Variants in MAGI2 observed in about 807,000 individuals in gnomAD.
MAGI2 encodes the protein membrane-associated guanylate kinase, WW and PDZ domain-containing protein 2.
A neutral mutation model predicts 133.3 loss-of-function variants in MAGI2; 35 were observed. The ratio of observed to expected loss-of-function variants is 0.26; its 90% confidence interval spans 0.20 to 0.35. The LOEUF is 0.35. Among genes scored for constraint, MAGI2 ranks in the 10% least tolerant of loss-of-function variants. MAGI2 has a pLI of 1.00. For missense variants in MAGI2, 1,636 were observed against 1,863.4 expected, an observed-to-expected ratio of 0.88 and a Z score of 2.25; for synonymous variants, 729 against 710.6, an observed-to-expected ratio of 1.03 and a Z score of -0.41.
intron 2 of MAGI2, among the ~76,000 whole-genome samples, chr7:78,765,052 T>C (rs180958487): frequency 6.5e-4 from 99 of 152,262 alleles, no homozygotes; most frequent in African/African-American, 2.2e-3. Flanking sequence ...CAGACTATGA[T>C]TTTGCCAGAC....
intron 1 of MAGI2, among the ~76,000 whole-genome samples, chr7:79,127,505 G>A (rs561383739): frequency 1.3e-5 from 2 of 152,258 alleles, no homozygotes; most frequent in East Asian, 3.9e-4. Flanking sequence ...ATTGGTGTGA[G>A]ATGGTATCTC....
chr7:78,987,256 A>AT (rs1805353904), intron 2 of MAGI2, among the ~76,000 whole-genome samples: 1 of 152,084 alleles, frequency 6.6e-6, no homozygotes, highest in African/African-American at 2.4e-5. Flanking sequence ...GTTGGAAAAA[A>AT]GTGCAGATAT....
At chr7:79,039,727 A>T (rs976991093) in intron 1 of MAGI2, among the ~76,000 whole-genome samples, 2 of 151,452 alleles carry the variant, frequency 1.3e-5, no homozygotes, top group Non-Finnish European at 2.9e-5. Context: ...CACATCTGTA[A>T]TCCGAGCACT....
intron 1 of MAGI2, among the ~76,000 whole-genome samples, chr7:79,259,900 G>T (rs940310088): frequency 2.0e-5 from 3 of 152,194 alleles, no homozygotes; most frequent in Non-Finnish European, 2.9e-5. Flanking sequence ...TTTCAGAGCT[G>T]CAGGGCACTT....
At chr7:79,166,485 G>A (rs1232609134) in intron 1 of MAGI2, among the ~76,000 whole-genome samples, 1 of 152,068 alleles carries the variant, frequency 6.6e-6, no homozygotes, top group Non-Finnish European at 1.5e-5. Context: ...TCAGCCTGAT[G>A]AGACCCTGGG....
intron 2 of MAGI2, among the ~76,000 whole-genome samples, chr7:78,693,571 T>G (rs1817193147): frequency 6.6e-6 from 1 of 152,174 alleles, no homozygotes; most frequent in Non-Finnish European, 1.5e-5. Flanking sequence ...ACTATTTGCT[T>G]CTTGCTAAAT....
At chr7:78,510,712 C>T (rs1795490393) in intron 4 of MAGI2, among the ~76,000 whole-genome samples, 2 of 152,140 alleles carry the variant, frequency 1.3e-5, no homozygotes, top group South Asian at 2.1e-4. Flanking sequence ...AGAAACCATG[C>T]ATTCTTTTCA....
chr7:78,221,730 C>A (rs1262310919), intron 10 of MAGI2, among the ~76,000 whole-genome samples: 3 of 151,968 alleles, frequency 2.0e-5, no homozygotes, highest in East Asian at 4.0e-4. Context: ...CAGTGGCTCA[C>A]ACCTATAATC....
At chr7:78,377,534 G>A (rs910772106) in intron 6 of MAGI2, among the ~76,000 whole-genome samples, 1 of 151,720 alleles carries the variant, frequency 6.6e-6, no homozygotes, top group African/African-American at 2.4e-5. Flanking sequence ...TGATGTTAGT[G>A]GGAGAGGGGG....
intron 1 of MAGI2, among the ~76,000 whole-genome samples, chr7:79,080,659 A>T (rs1342327109): frequency 6.6e-6 from 1 of 152,122 alleles, no homozygotes; most frequent in Non-Finnish European, 1.5e-5. Flanking sequence ...GGGTGTGGAG[A>T]GTAAGGAGTT....
intron 2 of MAGI2, among the ~76,000 whole-genome samples, chr7:78,649,236 G>GAAAAAAAAAAAAAGA (rs3085451): frequency 1.1e-5 from 1 of 88,164 alleles, no homozygotes; most frequent in South Asian, 4.2e-4. Context: ...AAAAAAAAAA[G>GAAAAAAAAAAAAAGA]AAAAAAAAAG....
At chr7:78,244,556 T>C (rs982475248) in intron 10 of MAGI2, among the ~76,000 whole-genome samples, 9 of 152,210 alleles carry the variant, frequency 5.9e-5, no homozygotes, top group African/African-American at 1.9e-4. Flanking sequence ...GCAGAGAAAG[T>C]ATATTGATTG....
chr7:79,229,840 T>C (rs1464656978), intron 1 of MAGI2, among the ~76,000 whole-genome samples: 2 of 151,654 alleles, frequency 1.3e-5, no homozygotes, highest in Non-Finnish European at 2.9e-5. Context: ...CATGTGCACA[T>C]TGTGCAGGTT....
At chr7:78,034,232 A>G (rs1809917918) in intron 21 of MAGI2, among the ~76,000 whole-genome samples, 1 of 152,190 alleles carries the variant, frequency 6.6e-6, no homozygotes, top group African/African-American at 2.4e-5. Flanking sequence ...AGGTAGACAT[A>G]GAACAAGTGA....
chr7:78,455,182 A>C (rs988194890), intron 6 of MAGI2, among the ~76,000 whole-genome samples: 1 of 126,038 alleles, frequency 7.9e-6, no homozygotes, highest in South Asian at 2.4e-4. Flanking sequence ...TGGGGCAGGT[A>C]TATGGAACTC....
chr7:79,446,000 G>T (rs891129396), intron 1 of MAGI2, among the ~76,000 whole-genome samples: 2 of 152,182 alleles, frequency 1.3e-5, no homozygotes, highest in African/African-American at 2.4e-5. Flanking sequence ...AAAAGGATGA[G>T]TTCATGTCCT....
chr7:79,176,680 C>T (rs561573271), intron 1 of MAGI2, among the ~76,000 whole-genome samples: 1 of 151,954 alleles, frequency 6.6e-6, no homozygotes, highest in Admixed American at 6.6e-5. Flanking sequence ...CCTTTGCCCA[C>T]TACTCATTAA....
intron 1 of MAGI2, among the ~76,000 whole-genome samples, chr7:79,218,576 G>T (rs535804542): frequency 1.3e-5 from 2 of 151,972 alleles, no homozygotes; most frequent in African/African-American, 4.8e-5. Flanking sequence ...CAGAGTGAAG[G>T]CTTCATGTTT....
intron 20 of MAGI2, among the ~76,000 whole-genome samples, chr7:78,086,780 G>A (rs1298408604): frequency 1.3e-5 from 2 of 151,690 alleles, no homozygotes; most frequent in African/African-American, 4.8e-5. Flanking sequence ...GACCACAGGC[G>A]TGCACTACTA....
Sources: gnomAD v4.1 joint callset for allele counts (sites outside exome capture counted in the v4.1 genomes callset) on GRCh38, gnomAD v4.1.1 for gene constraint, MANE v1.5 for transcripts, NCBI Gene and HGNC (gene_info 2026-07-23, HGNC 2026-07-21) for gene names.